ERBB4: variants seen among roughly 807,000 people sequenced by gnomAD.
ERBB4 encodes erb-b2 receptor tyrosine kinase 4.
ERBB4 carries 42 observed loss-of-function variants against 158.0 expected under a neutral mutation model. The observed-to-expected ratio is 0.27, with a 90% CI of 0.21 to 0.34. ERBB4 has a LOEUF of 0.34. ERBB4 is among the 10% of genes least tolerant of loss of function. The pLI is 1.00. For missense variants in ERBB4, 1,333 were observed against 1,624.1 expected (o/e 0.82, Z 3.08); for synonymous variants, 583 against 558.7 (o/e 1.04, Z -0.61).
chr2:211,399,042 CA>C (rs1462177880), intron 25 of ERBB4, among the ~76,000 whole-genome samples: 1 of 152,148 alleles, frequency 6.6e-6, no homozygotes, highest in Non-Finnish European at 1.5e-5. Context: ...GACCTCTGTC[CA>C]AGTTCTAATT....
At chr2:211,945,465 A>T (rs1575417039) in intron 3 of ERBB4, among the ~76,000 whole-genome samples, 1 of 152,196 alleles carries the variant, frequency 6.6e-6, no homozygotes, top group East Asian at 1.9e-4. Context: ...ATACTCAAAA[A>T]AATTAATAAC....
chr2:211,612,677 T>C (rs1354672361), intron 19 of ERBB4, among the ~76,000 whole-genome samples: 1 of 152,030 alleles, frequency 6.6e-6, no homozygotes, highest in Non-Finnish European at 1.5e-5. Context: ...TCTGATATTT[T>C]ACTTTAGTAA....
At chr2:212,177,040 C>CA (rs558835213) in intron 1 of ERBB4, among the ~76,000 whole-genome samples, 2 of 150,994 alleles carry the variant, frequency 1.3e-5, no homozygotes, top group Middle Eastern at 3.2e-3. Context: ...GCAACATCTT[C>CA]AAAAAAAATT....
chr2:211,855,300 C>A (rs1270361041), intron 3 of ERBB4, among the ~76,000 whole-genome samples: 1 of 152,084 alleles, frequency 6.6e-6, no homozygotes, highest in East Asian at 1.9e-4. Context: ...CTTTTCTTGT[C>A]ACTCTTAAAA....
chr2:211,796,855 G>C (rs937248631), intron 3 of ERBB4, among the ~76,000 whole-genome samples: 2 of 151,976 alleles, frequency 1.3e-5, no homozygotes, highest in Non-Finnish European at 2.9e-5. Context: ...TAATTTATCA[G>C]GTGTAACCCT....
intron 3 of ERBB4, among the ~76,000 whole-genome samples, chr2:211,868,926 G>A (rs2078274862): frequency 6.6e-6 from 1 of 152,100 alleles, no homozygotes; most frequent in Non-Finnish European, 1.5e-5. Context: ...TATTGCAACA[G>A]CCTCCTAACC....
chr2:212,325,927 C>T (rs1286836196), intron 1 of ERBB4, among the ~76,000 whole-genome samples: 1 of 150,362 alleles, frequency 6.7e-6, no homozygotes. Flanking sequence ...AAGTATTTGG[C>T]AAAAAACTAC....
At chr2:211,693,336 C>A (rs2072890681) in intron 12 of ERBB4, among the ~76,000 whole-genome samples, 1 of 152,008 alleles carries the variant, frequency 6.6e-6, no homozygotes. Flanking sequence ...ACTGTATAAA[C>A]TATAATTAAA....
At chr2:212,143,934 G>A (rs201261193) in intron 1 of ERBB4, among the ~76,000 whole-genome samples, 1 of 151,648 alleles carries the variant, frequency 6.6e-6, no homozygotes, top group African/African-American at 2.4e-5. Flanking sequence ...CAGGAGAATC[G>A]CTTGAACCCA....
chr2:212,201,232 G>C (rs988073585), intron 1 of ERBB4, among the ~76,000 whole-genome samples: 1 of 152,036 alleles, frequency 6.6e-6, no homozygotes, highest in African/African-American at 2.4e-5. Flanking sequence ...ATATTAGCAT[G>C]CAACCATAAC....
chr2:211,679,175 C>A lies in ERBB4; in HGVS notation c.1499G>T (p.Gly500Val), dbSNP rs2105960243. ...GGAACACAGATGGTTGCACACCATT[C>A]CTTCAGCAGCTGTGAAACACCAAAA... ...NRKAENCTAE[G>V]MVCNHLCSSD... Residue 500 changes from glycine to valine, a missense_variant, in exon 13 of 28, where the codon GGA (glycine) becomes GTA (valine). Around this residue, in one of 5 missense-constraint regions of ERBB4, gnomAD observed 245 missense variants for 247.5 expected, o/e 0.99. Coordinates refer to ENST00000342788, the MANE Select transcript of ERBB4 (RefSeq NM_005235.3). The A allele has an allele frequency of 6.2e-7, 1 of 1,613,758 alleles. No individual in the cohort carries two copies. Among genetic ancestry groups the A allele is most frequent in the South Asian group, 1.1e-5 (1 of 91,062 alleles).
intron 1 of ERBB4, among the ~76,000 whole-genome samples, chr2:212,244,185 A>C (rs7580670): frequency 6.6e-6 from 1 of 152,166 alleles, no homozygotes; most frequent in African/African-American, 2.4e-5. Flanking sequence ...ATAATTTTTC[A>C]TGATACATAG....
intron 3 of ERBB4, among the ~76,000 whole-genome samples, chr2:211,922,478 T>C (rs2079882694): frequency 6.6e-6 from 1 of 152,138 alleles, no homozygotes; most frequent in Non-Finnish European, 1.5e-5. Flanking sequence ...CATAAAATAC[T>C]ATCTTAAAAT....
chr2:211,985,142 T>C (rs896009587), intron 2 of ERBB4, among the ~76,000 whole-genome samples: 8 of 152,186 alleles, frequency 5.3e-5, no homozygotes, highest in Non-Finnish European at 7.3e-5. Context: ...GCAACAAGAC[T>C]CTTACCACTG....
intron 1 of ERBB4, among the ~76,000 whole-genome samples, chr2:212,225,138 C>T (rs142721228): frequency 0.014 from 2,134 of 151,916 alleles, 41 homozygotes; most frequent in African/African-American, 0.049. Flanking sequence ...GATTTTAATA[C>T]ACTTTACTAT....
chr2:211,541,504 A>C (rs2066808567), intron 20 of ERBB4, among the ~76,000 whole-genome samples: 1 of 151,962 alleles, frequency 6.6e-6, no homozygotes, highest in Non-Finnish European at 1.5e-5. Flanking sequence ...CTATCAGATC[A>C]TGTAGCTGCT....
At chr2:212,094,690 C>G (rs1388952722) in intron 2 of ERBB4, among the ~76,000 whole-genome samples, 2 of 152,280 alleles carry the variant, frequency 1.3e-5, no homozygotes, top group East Asian at 1.9e-4. Context: ...GAGGCCTCAT[C>G]AGAAGCTAAG....
chr2:211,976,666 ATATT>A (rs1031135497), intron 2 of ERBB4, among the ~76,000 whole-genome samples: 55 of 152,016 alleles, frequency 3.6e-4, no homozygotes, highest in Admixed American at 2.0e-3. Flanking sequence ...TAAAATATAT[ATATT>A]TATTTTTCAT....
intron 25 of ERBB4, among the ~76,000 whole-genome samples, chr2:211,413,636 T>C (rs907887155): frequency 3.3e-5 from 5 of 152,090 alleles, no homozygotes; most frequent in Non-Finnish European, 7.3e-5. Context: ...CATTTAGCTA[T>C]GAGATACTTC....
Sources: gnomAD v4.1 joint callset for allele counts (sites outside exome capture counted in the v4.1 genomes callset) on GRCh38, gnomAD v4.1.1 for gene constraint, gnomAD v4.1.1 regional missense constraint, MANE v1.5 for transcripts, NCBI Gene and HGNC (gene_info 2026-07-23, HGNC 2026-07-21) for gene names.